Variants in PROM2 observed in about 807,000 individuals in gnomAD.
PROM2 encodes the protein prominin 2.
A neutral mutation model predicts 110.2 loss-of-function variants in PROM2; 90 were observed. That is an observed-to-expected ratio of 0.82 (90% CI 0.69 to 0.97). PROM2 has a LOEUF of 0.97. Ranked by LOEUF, PROM2 falls within the 50% of genes least tolerant of loss-of-function variation. PROM2 has a pLI of 0.00. For missense variants in PROM2, 1,009 were observed against 1,074.8 expected (o/e 0.94, Z 0.86); for synonymous variants, 470 against 467.8 (o/e 1.00, Z -0.06).
At chr2:95,277,094 G>T in intron 6 of PROM2, 33 bp downstream of exon 6, 1 of 1,531,868 alleles carries the variant, frequency 6.5e-7, no homozygotes, top group South Asian at 1.2e-5. Flanking sequence ...ATAGTGTGGA[G>T]CCCAGCGGGT....
intron 14 of PROM2, 72 bp from the exon 15 acceptor site, chr2:95,284,897 G>C: frequency 6.6e-7 from 1 of 1,511,378 alleles, no homozygotes; most frequent in South Asian, 1.3e-5. Flanking sequence ...TGACCCCTGT[G>C]CTTAGGGGAG....
At chr2:95,280,090 T>C (rs1442927254) in intron 11 of PROM2, 93 bp downstream of exon 11, 1 of 1,204,504 alleles carries the variant, frequency 8.3e-7, no homozygotes, top group Non-Finnish European at 1.1e-6. Context: ...TGGCTGCCAG[T>C]GTCAGTGTCA....
At position 95,288,487 on chromosome 2, in the gene PROM2, C is replaced by A. The variant is rs1420139912; in HGVS notation, c.2339C>A (p.Ala780Asp). Residue 780 changes from alanine (A) to aspartate (D), a missense_variant, in exon 22 of 24, where the codon GCC (alanine) becomes GAC (aspartate). By Grantham distance (126) the Ala-to-Asp change is moderately radical (BLOSUM62 -2). Transcript: ENST00000317620. Reference sequence around the variant, plus strand: ...CGACCTCACGCCTTGTTGCAGAATGCCTTCTGGTTCTGCCTGGCATGGTGC... The same window carrying A: ...CGACCTCACGCCTTGTTGCAGAATGACTTCTGGTTCTGCCTGGCATGGTGC... ...LCDMMADPWNAFWFCLAWCTF... is the reference protein window; with the variant it reads ...LCDMMADPWNDFWFCLAWCTF... 1.9e-6 allele frequency: 3 copies of A among 1,613,768 alleles called. No individual in the cohort carries two copies. Among genetic ancestry groups the A allele is most frequent in the Non-Finnish European group, 2.5e-6 (3 of 1,179,788 alleles).
At chr2:95,274,912 G>T in intron 1 of PROM2, 83 bp downstream of exon 1, 1 of 1,437,168 alleles carries the variant, frequency 7.0e-7, no homozygotes. Context: ...CATGGGATGT[G>T]CCCAACCTAC....
At chr2:95,282,083 G>A (rs1677081604) in intron 13 of PROM2, 59 bp from the exon 14 acceptor site, 2 of 1,608,242 alleles carry the variant, frequency 1.2e-6, no homozygotes, top group Non-Finnish European at 8.5e-7. Flanking sequence ...TCCCTCAGGG[G>A]ACATCAGCCC....
At position 95,279,114 on chromosome 2, in the gene PROM2, T is replaced by C; in HGVS notation, c.1244T>C (p.Leu415Pro). Residue 415 changes from leucine (L) to proline (P), a missense_variant, in exon 10 of 24, where the codon CTG (leucine) becomes CCG (proline). Leu to Pro is a moderately conservative substitution (Grantham distance 98). Coordinates refer to ENST00000317620, the MANE Select transcript of PROM2 (RefSeq NM_001165978.3). ...QEVEESSRPY[L>P]QEVQRYETYR... ...GTGGAGGAGAGCAGCCGCCCCTACC[T>C]GCAGGAGGTGCAGAGATACGAGACC... 1 of 1,383,634 alleles carries C rather than the reference T, an allele frequency of 7.2e-7. No individual in the cohort carries two copies. The highest frequency in any genetic ancestry group is 1.2e-5 in the South Asian group (1 of 85,416). 85.7% of individuals were successfully genotyped at this position (1,383,634 alleles called of 1,614,324 possible). A position where few individuals can be genotyped will look rare whatever the true frequency, so the allele number is the denominator to read the frequency against.
Position 95,276,883 on chromosome 2 carries a change from C to T in PROM2, c.683-89C>T. The T allele has an allele frequency of 2.1e-6, 3 of 1,396,360 alleles. No homozygotes were observed. The highest frequency in any genetic ancestry group is 1.2e-5 in the South Asian group (1 of 80,462). 86.5% of individuals were successfully genotyped at this position (1,396,360 alleles called of 1,614,324 possible). ...CCTCCACCCCCCGGCTCCTGCAGAG[C>T]CCGGTGGGGCCTGGGGAGGCAGGAT... is the stretch of plus-strand genomic sequence containing the variant. On this transcript the variant is annotated intron_variant, in intron 5 of 23. Transcript: ENST00000317620. The surrounding 1 kb of genome is among the most constrained non-coding windows in gnomAD (Gnocchi z 4.6).
chr2:95,287,332 C>A, intron 19 of PROM2, 64 bp from the exon 20 acceptor site: 4 of 1,361,776 alleles, frequency 2.9e-6, no homozygotes, highest in Non-Finnish European at 4.1e-6. Flanking sequence ...TGGGGGGTGG[C>A]GTGGGTGGGG....
intron 9 of PROM2, 64 bp downstream of exon 9, chr2:95,278,848 G>A: frequency 6.2e-7 from 1 of 1,610,558 alleles, no homozygotes; most frequent in Non-Finnish European, 8.5e-7. Flanking sequence ...CTACCAGGGA[G>A]GCTTGTTGAG....
intron 11 of PROM2, among the ~76,000 whole-genome samples, chr2:95,280,653 T>G (rs750096187): frequency 2.6e-5 from 4 of 152,028 alleles, no homozygotes; most frequent in Non-Finnish European, 5.9e-5. Flanking sequence ...TTGTTTTGTT[T>G]GTTGTTGTTG....
chr2:95,285,258 C>T, intron 15 of PROM2, 143 bp downstream of exon 15: 2 of 1,028,566 alleles, frequency 1.9e-6, no homozygotes, highest in South Asian at 3.5e-5. Flanking sequence ...TGGAGGTGTC[C>T]CCAGATCATG....
intron 14 of PROM2, 120 bp downstream of exon 14, chr2:95,282,346 G>C (rs760827919): frequency 1.2e-6 from 1 of 856,298 alleles, no homozygotes; most frequent in Admixed American, 2.2e-5. Context: ...CTGTGTGAGC[G>C]ATTAAGGTGC....
chr2:95,285,054 A>G lies in PROM2; in HGVS notation c.1814A>G (p.Asp605Gly), dbSNP rs1262983301. ...LDLLSSAARR[D>G]LEALQSSGLQ... ...CTGCTGAGCTCAGCCGCCCGCCGGG[A>G]CCTGGAGGCCCTGCAGAGCAGTGGG... is the stretch of plus-strand genomic sequence containing the variant. The change falls in exon 15 of 24, where the codon GAC becomes GGC. Residue 605 changes from aspartate (D) to glycine (G), a missense_variant. Transcript: ENST00000317620. 2.5e-6 allele frequency: 4 copies of G among 1,597,706 alleles called. No homozygotes were observed. In the African/African-American group the frequency reaches 5.4e-5, roughly 21 times the overall value.
rs1677572639 is a variant in PROM2 at position 95,289,480 on chromosome 2, A to G, written c.*267A>G. On this transcript the variant is annotated 3_prime_UTR_variant, in exon 24 of 24. Coordinates refer to ENST00000317620, the MANE Select transcript of PROM2 (RefSeq NM_001165978.3). ...CCTCCAGGTGTCACCCCTTACCCCC[A>G]TGCTGGTGGCATCCTCACAGGAAGA... 6.4e-6 allele frequency: 1 copy of G among 155,882 alleles called. No individual in the cohort carries two copies. The highest frequency in any genetic ancestry group is 2.5e-5 in the African/African-American group (1 of 39,696). The allele number at this position is 155,882 out of a possible 1,614,324, so 9.7% of individuals were successfully genotyped here.
chr2:95,289,009 G>A lies in PROM2; in HGVS notation c.*10+3G>A, dbSNP rs1677547600. On this transcript the variant is annotated splice_donor_region_variant and intron_variant, in intron 23 of 23. Transcript: ENST00000317620. ...CCTGAAGCTGTAGGGCCTTGTGGGT[G>A]AGTTTTCCCCAACTCGCTTAATTGC... The A allele has an allele frequency of 1.3e-6, 2 of 1,597,206 alleles. No individual in the cohort carries two copies.
Position 95,286,527 on chromosome 2 carries a change from A to C in PROM2, c.1996A>C (p.Arg666=), listed in dbSNP as rs760312295. 2 of 1,613,806 alleles carry C rather than the reference A, an allele frequency of 1.2e-6. No homozygotes were observed. Among genetic ancestry groups the C allele is most frequent in the South Asian group, 2.2e-5 (2 of 91,058 alleles). Residue 666 remains arginine (R), a synonymous_variant, in exon 17 of 24, where the codon AGA becomes CGA. Transcript: ENST00000317620. Reference sequence around the variant, plus strand: ...GCTGCAGGAGGAGGCCCAAGGACTCAGAAACCTTCACCAGGAGAAGGTCGT... The same window carrying C: ...GCTGCAGGAGGAGGCCCAAGGACTCCGAAACCTTCACCAGGAGAAGGTCGT... ...QRLQEEAQGL[R]NLHQEKVVPQ... is the part of the protein sequence containing the mutation.
intron 15 of PROM2, among the ~76,000 whole-genome samples, chr2:95,285,399 C>A (rs950556825): frequency 2.0e-5 from 3 of 152,228 alleles, no homozygotes; most frequent in Admixed American, 1.3e-4. Flanking sequence ...TGGGAAGTTG[C>A]CTCTTCCTTA....
At chr2:95,286,908 G>T in intron 18 of PROM2, 51 bp downstream of exon 18, 1 of 1,586,094 alleles carries the variant, frequency 6.3e-7, no homozygotes, top group Non-Finnish European at 8.6e-7. Context: ...CTGCAGAGGC[G>T]GGGAGGAAGT....
chr2:95,289,123 G>C, intron 23 of PROM2, 101 bp from the exon 24 acceptor site: 4 of 815,900 alleles, frequency 4.9e-6, no homozygotes, highest in Non-Finnish European at 8.2e-6. Context: ...TTGGGGACAT[G>C]GTGGAGTCTG....
Sources: allele counts gnomAD v4.1 joint callset (sites outside exome capture counted in the v4.1 genomes callset), GRCh38; gene constraint gnomAD v4.1.1; non-coding constraint Gnocchi (gnomAD v3.1); transcripts MANE v1.5; gene names NCBI Gene and HGNC (gene_info 2026-07-23, HGNC 2026-07-21).